The following GCLC variants were observed in gnomAD, a reference collection of about 807,000 sequenced individuals.
GCLC encodes glutamate--cysteine ligase catalytic subunit.
Under a neutral mutation model 81.5 loss-of-function variants are expected in GCLC, and 30 were observed. The ratio of observed to expected loss-of-function variants is 0.37; its 90% CI spans 0.28 to 0.50. The LOEUF is 0.50. GCLC is among the 20% of genes least tolerant of loss of function. GCLC has a pLI of 0.96. For missense variants in GCLC, 556 were observed against 777.4 expected (o/e 0.72, Z 3.39); for synonymous variants, 262 against 273.3 (o/e 0.96, Z 0.41).
Position 53,507,627 on chromosome 6 carries a change from TA to T in GCLC, c.946-10del, listed in dbSNP as rs1414086057. 1 of 1,249,046 alleles carries T rather than the reference TA, an allele frequency of 8.0e-7. No individual in the cohort carries two copies. Among genetic ancestry groups the T allele is most frequent in the East Asian group, 2.4e-5 (1 of 42,266 alleles). The allele number at this position is 1,249,046 out of a possible 1,614,324, so 77.4% of individuals were successfully genotyped here. A position where few individuals can be genotyped will look rare whatever the true frequency, so the allele number is the denominator to read the frequency against. On this transcript the variant is annotated splice_polypyrimidine_tract_variant and intron_variant, in intron 8 of 15. Transcript: ENST00000650454. The stretch of plus-strand genomic sequence containing the variant: ...TTATTGTTCTTCAATGGCTAAAGAT[TA>T]AAAATATATATAAATGAATATGCTA...
intron 1 of GCLC, among the ~76,000 whole-genome samples, chr6:53,537,938 A>C (rs1763283794): frequency 1.3e-5 from 2 of 152,040 alleles, no homozygotes; most frequent in African/African-American, 4.8e-5. Flanking sequence ...CCTGCAAGGA[A>C]GGTAGTATTG....
chr6:53,517,249 GTTTTTT>G (rs201960255), intron 3 of GCLC, among the ~76,000 whole-genome samples: 3 of 73,112 alleles, frequency 4.1e-5, no homozygotes, highest in Admixed American at 2.3e-4. Flanking sequence ...ACTGTACCAA[GTTTTTT>G]TTTTTTTTTT....
intron 1 of GCLC, among the ~76,000 whole-genome samples, chr6:53,524,627 C>T (rs917130689): frequency 6.6e-6 from 1 of 152,194 alleles, no homozygotes; most frequent in African/African-American, 2.4e-5. Context: ...CTTCCTCCTT[C>T]ACTCACTTAG....
chr6:53,509,116 G>T, intron 7 of GCLC, 60 bp downstream of exon 7: 3 of 1,021,910 alleles, frequency 2.9e-6, no homozygotes, highest in South Asian at 2.5e-5. Flanking sequence ...AGTAAATTCT[G>T]CACATGCTAT....
chr6:53,505,591 C>T, intron 11 of GCLC, 95 bp from the exon 12 acceptor site: 1 of 788,458 alleles, frequency 1.3e-6, no homozygotes, highest in East Asian at 2.6e-5. Context: ...CATTCCCAAG[C>T]CATCTCCTAA....
At chr6:53,508,492 C>T (rs1294134893) in intron 8 of GCLC, 103 bp downstream of exon 8, 11 of 791,858 alleles carry the variant, frequency 1.4e-5, no homozygotes, top group Non-Finnish European at 2.5e-5. Flanking sequence ...TTCCCCATTT[C>T]AGATAAAAAT....
chr6:53,500,585 C>T (rs1235507484), intron 12 of GCLC, 72 bp from the exon 13 acceptor site: 3 of 1,042,878 alleles, frequency 2.9e-6, no homozygotes, highest in East Asian at 2.4e-5. Flanking sequence ...GCACCTTCCT[C>T]ACCTTTGCAA....
intron 12 of GCLC, among the ~76,000 whole-genome samples, chr6:53,504,708 C>T (rs1764580432): frequency 6.6e-6 from 1 of 152,144 alleles, no homozygotes; most frequent in Non-Finnish European, 1.5e-5. Context: ...GGGGCAGATG[C>T]TGGAGCTAAG....
chr6:53,526,815 A>C (rs1296204961), intron 1 of GCLC, among the ~76,000 whole-genome samples: 3 of 151,554 alleles, frequency 2.0e-5, no homozygotes, highest in Admixed American at 6.6e-5. Context: ...AAAAAAAAAA[A>C]AACAATTTGA....
At chr6:53,501,725 T>A (rs541822383) in intron 12 of GCLC, among the ~76,000 whole-genome samples, 1 of 152,324 alleles carries the variant, frequency 6.6e-6, no homozygotes, top group South Asian at 2.1e-4. Flanking sequence ...AGGAGCATAC[T>A]CAAATAAATA....
intron 1 of GCLC, among the ~76,000 whole-genome samples, chr6:53,524,278 GC>G (rs1410011735): frequency 6.6e-6 from 1 of 152,202 alleles, no homozygotes; most frequent in Non-Finnish European, 1.5e-5. Flanking sequence ...GAGATTTGAA[GC>G]CAGCCCCGTC....
At position 53,498,935 on chromosome 6, in the gene GCLC, C is replaced by T. The variant is rs921303295; in HGVS notation, c.1735G>A (p.Glu579Lys). Reference sequence around the variant, plus strand: ...TAGTCAGGATGGTTTGCGATAAACTCCCTCATCCATCTGGCAACTGTCATT... The same window carrying T: ...TAGTCAGGATGGTTTGCGATAAACTTCCTCATCCATCTGGCAACTGTCATT... ...ELMTVARWMR[E>K]FIANHPDYKQ... The change falls in exon 16 of 16, where the codon GAG becomes AAG. Residue 579 changes from glutamate (E) to lysine (K), a missense_variant. Coordinates refer to ENST00000650454, the MANE Select transcript of GCLC (RefSeq NM_001498.4). The T allele has an allele frequency of 1.1e-5, 17 of 1,613,188 alleles. No homozygotes were observed. Among genetic ancestry groups the T allele is most frequent in the Admixed American group, 1.7e-5 (1 of 59,978 alleles).
At chr6:53,520,124 A>C (rs557136407) in intron 3 of GCLC, among the ~76,000 whole-genome samples, 1 of 152,222 alleles carries the variant, frequency 6.6e-6, no homozygotes, top group Non-Finnish European at 1.5e-5. Context: ...GGTTCTATGT[A>C]TAATACATAT....
chr6:53,522,277 T>C (rs907419493), intron 2 of GCLC, 138 bp downstream of exon 2: 2 of 672,468 alleles, frequency 3.0e-6, no homozygotes, highest in South Asian at 3.2e-5. Context: ...GAACCATGAT[T>C]TGAAACTATG....
rs1265941367 is a variant in GCLC at position 53,507,029 on chromosome 6, C to A, written c.1085-4G>T. ...TGGGCCAGGAGATGATCAATGCCTG[C>A]AAAAAGAGATCACATGGGAACTCAC... On this transcript the variant is annotated splice_region_variant and splice_polypyrimidine_tract_variant and intron_variant, in intron 9 of 15. Transcript: ENST00000650454. The A allele has an allele frequency of 4.0e-6, 6 of 1,514,856 alleles. No homozygotes were observed. The highest frequency in any genetic ancestry group is 5.5e-6 in the Non-Finnish European group (6 of 1,089,736). The allele number at this position is 1,514,856 out of a possible 1,614,324, so 93.8% of individuals were successfully genotyped here.
intron 7 of GCLC, 49 bp downstream of exon 7, chr6:53,509,127 C>T: frequency 8.8e-7 from 1 of 1,142,546 alleles, no homozygotes; most frequent in Non-Finnish European, 1.3e-6. Flanking sequence ...CACATGCTAT[C>T]TTATTTCATA....
chr6:53,535,590 G>T (rs1763244821), intron 1 of GCLC, among the ~76,000 whole-genome samples: 1 of 152,150 alleles, frequency 6.6e-6, no homozygotes, highest in Non-Finnish European at 1.5e-5. Context: ...CAAAGCATGT[G>T]TCTGATAATA....
At chr6:53,522,094 T>C (rs956415661) in intron 2 of GCLC, among the ~76,000 whole-genome samples, 4 of 152,266 alleles carry the variant, frequency 2.6e-5, no homozygotes, top group African/African-American at 9.6e-5. Context: ...AAAAATGTTT[T>C]AATAAAAAAC....
intron 1 of GCLC, among the ~76,000 whole-genome samples, chr6:53,528,229 A>G (rs1763115882): frequency 6.6e-6 from 1 of 152,214 alleles, no homozygotes; most frequent in Non-Finnish European, 1.5e-5. Context: ...TGAATATGAG[A>G]TTCTAATACA....
Sources: gnomAD v4.1 joint callset for allele counts (sites outside exome capture counted in the v4.1 genomes callset) on GRCh38, gnomAD v4.1.1 for gene constraint, MANE v1.5 for transcripts, NCBI Gene and HGNC (gene_info 2026-07-23, HGNC 2026-07-21) for gene names.